Variants in PTPRN2 observed in about 807,000 individuals in gnomAD.
PTPRN2 encodes protein tyrosine phosphatase receptor type N2, also known as receptor-type tyrosine-protein phosphatase N2.
A neutral mutation model predicts 118.8 loss-of-function variants in PTPRN2; 74 were observed. The observed-to-expected ratio is 0.62, with a 90% confidence interval of 0.52 to 0.76. The LOEUF (loss-of-function observed/expected upper bound fraction) is 0.76, where lower values mean the gene tolerates loss of function less well. Ranked by LOEUF, PTPRN2 falls within the 30% of genes least tolerant of loss-of-function variation. The probability of loss-of-function intolerance (pLI) is 0.00; values close to 1 mark genes in which losing one functional copy is unlikely to be tolerated. For synonymous variants in PTPRN2, 641 were observed against 608.0 expected (o/e 1.05, Z -0.80); for missense variants, 1,481 against 1,394.4 (o/e 1.06, Z -0.99).
chr7:158,341,304 C>T (rs1806718310), intron 2 of PTPRN2, among the ~76,000 whole-genome samples: 1 of 150,698 alleles, frequency 6.6e-6, no homozygotes, highest in Admixed American at 6.7e-5. Context: ...CGCCCATAGA[C>T]GTCACTCACA....
chr7:157,656,612 A>G, intron 13 of PTPRN2, 61 bp from the exon 14 acceptor site: 1 of 1,411,522 alleles, frequency 7.1e-7, no homozygotes, highest in Non-Finnish European at 9.6e-7. Context: ...CAGCAGGACG[A>G]GGGCCACGGC....
At position 157,603,141 on chromosome 7, in the gene PTPRN2, T is replaced by C. The variant is rs1236648146; in HGVS notation, c.2418+861A>G. 6.6e-6 allele frequency among the ~76,000 whole-genome samples: 1 copy of C among 150,630 alleles called. No homozygotes were observed. The highest frequency in any genetic ancestry group is 1.5e-5 in the Non-Finnish European group (1 of 67,712). On this transcript the variant is annotated intron_variant, in intron 16 of 22. Coordinates refer to ENST00000389418, the MANE Select transcript of PTPRN2 (RefSeq NM_002847.5). This position sits in a 1 kb window ranked among gnomAD's most constrained non-coding sequence, Gnocchi z 5.4. Reference sequence around the variant, plus strand: ...AGCCCCGGCCCTGGACAGTGTCCCATCCCGCCCCCGCCACCTGCCACCATC... The same window carrying C: ...AGCCCCGGCCCTGGACAGTGTCCCACCCCGCCCCCGCCACCTGCCACCATC...
intron 3 of PTPRN2, among the ~76,000 whole-genome samples, chr7:158,225,494 T>G (rs1828695429): frequency 6.6e-6 from 1 of 152,198 alleles, no homozygotes; most frequent in Non-Finnish European, 1.5e-5. Context: ...TAATTTCATC[T>G]AGACAACACC....
chr7:158,168,671 A>G (rs1165777653), intron 5 of PTPRN2, among the ~76,000 whole-genome samples: 1 of 152,204 alleles, frequency 6.6e-6, no homozygotes, highest in Non-Finnish European at 1.5e-5. Flanking sequence ...ATAATTACCT[A>G]TCACATCATT....
intron 11 of PTPRN2, among the ~76,000 whole-genome samples, chr7:158,056,911 G>A (rs1050900063): frequency 3.9e-5 from 6 of 152,198 alleles, no homozygotes; most frequent in South Asian, 2.1e-4. Flanking sequence ...ACATCGGGAC[G>A]CGTGCTCCAC....
rs192760380 is a variant in PTPRN2 at position 157,603,783 on chromosome 7, C to T, written c.2418+219G>A. On this transcript the variant is annotated intron_variant, in intron 16 of 22. Transcript: ENST00000389418. The surrounding 1 kb of genome is among the most constrained non-coding windows in gnomAD (Gnocchi z 5.4). The stretch of plus-strand genomic sequence containing the variant: ...ATGTTCTACAAGTCACGGAACCCAC[C>T]GCCCAGCGTGAGCCGGGACCCACAC... Among the ~76,000 whole-genome samples, 115 of 152,286 alleles carry T rather than the reference C, an allele frequency of 7.6e-4. No individual in the cohort carries two copies. The highest frequency in any genetic ancestry group is 1.4e-3 in the African/African-American group (60 of 41,554).
chr7:158,457,141 G>A (rs537480258), intron 2 of PTPRN2, among the ~76,000 whole-genome samples: 1 of 152,306 alleles, frequency 6.6e-6, no homozygotes, highest in East Asian at 1.9e-4. Flanking sequence ...GGTGGATTCA[G>A]TGTTTGTGGT....
intron 12 of PTPRN2, among the ~76,000 whole-genome samples, chr7:157,712,811 G>A (rs535338199): frequency 6.1e-4 from 92 of 151,722 alleles, no homozygotes; most frequent in Non-Finnish European, 1.2e-3. Context: ...CACAGGGAGC[G>A]GGTCACACAC....
At chr7:158,362,793 C>G (rs1399738228) in intron 2 of PTPRN2, among the ~76,000 whole-genome samples, 5 of 152,154 alleles carry the variant, frequency 3.3e-5, no homozygotes, top group Admixed American at 1.3e-4. Flanking sequence ...GTCTGAAAGC[C>G]CTGCAGATTT....
rs755842614 is a variant in PTPRN2 at position 158,167,334 on chromosome 7, A to G, written c.550-43T>C. The stretch of plus-strand genomic sequence containing the variant: ...AAAACAGAGCAAGAGTCACATTTCC[A>G]TCGTCAGCTGGGGGCACCAAGATGC... On this transcript the variant is annotated intron_variant, in intron 5 of 22. Transcript: ENST00000389418. 34 of 1,534,326 alleles carry G rather than the reference A, an allele frequency of 2.2e-5. No individual in the cohort carries two copies. The South Asian group carries it at 2.8e-4, about 13-fold the overall frequency.
intron 12 of PTPRN2, among the ~76,000 whole-genome samples, chr7:157,800,049 C>T (rs899836313): frequency 6.7e-6 from 1 of 149,428 alleles, no homozygotes; most frequent in Non-Finnish European, 1.5e-5. Context: ...GGCACCACAG[C>T]CGGCCTCCCC....
At chr7:158,174,585 C>T (rs1165706695) in intron 5 of PTPRN2, among the ~76,000 whole-genome samples, 1 of 152,210 alleles carries the variant, frequency 6.6e-6, no homozygotes. Context: ...ACCCCTACTG[C>T]TGCTGTGTGC....
At chr7:158,334,652 A>AAGAGGTAACACCTGC (rs1805232957) in intron 2 of PTPRN2, among the ~76,000 whole-genome samples, 4 of 90,054 alleles carry the variant, frequency 4.4e-5, no homozygotes, top group Non-Finnish European at 5.1e-5. Context: ...CTCTCACCAT[A>AAGAGGTAACACCTGC]ATTGGTGACA....
intron 12 of PTPRN2, among the ~76,000 whole-genome samples, chr7:157,812,081 C>A (rs554671682): frequency 6.6e-6 from 1 of 152,176 alleles, no homozygotes; most frequent in African/African-American, 2.4e-5. Context: ...AGGGTTTGGC[C>A]GGGCTCCCCT....
chr7:157,847,084 T>A (rs1808880246), intron 12 of PTPRN2, among the ~76,000 whole-genome samples: 1 of 145,856 alleles, frequency 6.9e-6, no homozygotes, highest in African/African-American at 2.6e-5. Flanking sequence ...GCCCGATGTT[T>A]ACAGAGCCCT....
At chr7:158,331,272 T>C (rs7798495) in intron 2 of PTPRN2, among the ~76,000 whole-genome samples, 18,337 of 67,584 alleles carry the variant, frequency 0.27, 850 homozygotes, top group South Asian at 0.37. Flanking sequence ...CCATAAGAGC[T>C]GACACCCGCA....
intron 2 of PTPRN2, among the ~76,000 whole-genome samples, chr7:158,412,224 A>G (rs1449680374): frequency 7.2e-5 from 6 of 83,504 alleles, no homozygotes; most frequent in African/African-American, 2.6e-4. Flanking sequence ...CCATCTCAGC[A>G]CCCTCCTCAG....
chr7:157,926,705 T>C (rs954827319), intron 11 of PTPRN2, among the ~76,000 whole-genome samples: 2 of 152,106 alleles, frequency 1.3e-5, no homozygotes, highest in Non-Finnish European at 2.9e-5. Context: ...CCACAGACCC[T>C]GTAAAATGCT....
chr7:157,896,126 C>A (rs1797099156), intron 12 of PTPRN2, among the ~76,000 whole-genome samples: 1 of 151,122 alleles, frequency 6.6e-6, no homozygotes, highest in Non-Finnish European at 1.5e-5. Flanking sequence ...CCAATCCAAG[C>A]AGGGAGTGCC....
Sources: allele counts gnomAD v4.1 joint callset (sites outside exome capture counted in the v4.1 genomes callset), GRCh38; gene constraint gnomAD v4.1.1; non-coding constraint Gnocchi (gnomAD v3.1); transcripts MANE v1.5; gene names NCBI Gene and HGNC (gene_info 2026-07-23, HGNC 2026-07-21).